Variants in EDIL3 observed in about 807,000 individuals in gnomAD.
EDIL3 encodes the protein EGF-like repeat and discoidin I-like domain-containing protein 3.
A neutral mutation model predicts 67.4 loss-of-function variants in EDIL3; 37 were observed. The ratio of observed to expected loss-of-function variants is 0.55; its 90% CI spans 0.42 to 0.72. EDIL3 has a LOEUF of 0.72. Ranked by LOEUF, EDIL3 falls within the 30% of genes least tolerant of loss-of-function variation. The probability of loss-of-function intolerance (pLI) is 0.00; values close to 1 mark genes in which losing one functional copy is unlikely to be tolerated. For missense variants in EDIL3, 527 were observed against 586.3 expected, an observed-to-expected ratio of 0.90 and a Z score of 1.04; for synonymous variants, 195 against 196.3, an observed-to-expected ratio of 0.99 and a Z score of 0.05.
intron 1 of EDIL3, among the ~76,000 whole-genome samples, chr5:84,256,350 A>G (rs1745124010): frequency 6.6e-6 from 1 of 152,180 alleles, no homozygotes; most frequent in South Asian, 2.1e-4. Flanking sequence ...AGGAACAATT[A>G]CAATTATACT....
chr5:84,022,654 C>CAGAT (rs1745738888), intron 9 of EDIL3, among the ~76,000 whole-genome samples: 2 of 151,806 alleles, frequency 1.3e-5, no homozygotes, highest in Non-Finnish European at 2.9e-5. Context: ...GACAGACAGA[C>CAGAT]AGACAAATTG....
intron 1 of EDIL3, among the ~76,000 whole-genome samples, chr5:84,372,244 A>C (rs1039743465): frequency 5.9e-5 from 9 of 152,148 alleles, no homozygotes; most frequent in African/African-American, 2.2e-4. Flanking sequence ...TAAAGGAAAA[A>C]ATATGTACGA....
intron 9 of EDIL3, chr5:84,048,374 A>G (rs1047601533): frequency 1.1e-5 from 3 of 279,374 alleles, no homozygotes; most frequent in Non-Finnish European, 2.2e-5. Context: ...CATGGACTAA[A>G]TTAAATAAGG....
chr5:83,950,623 G>A (rs1165301724), intron 10 of EDIL3, among the ~76,000 whole-genome samples: 1 of 151,734 alleles, frequency 6.6e-6, no homozygotes, highest in Non-Finnish European at 1.5e-5. Flanking sequence ...ACTTTCTACT[G>A]TTAGGTTCTA....
intron 1 of EDIL3, among the ~76,000 whole-genome samples, chr5:84,359,598 T>A (rs947192920): frequency 1.3e-5 from 2 of 152,200 alleles, no homozygotes; most frequent in Non-Finnish European, 2.9e-5. Context: ...AAAGATTGAC[T>A]TTTAGACTAG....
chr5:84,273,253 A>G (rs1188375114), intron 1 of EDIL3, among the ~76,000 whole-genome samples: 2 of 152,036 alleles, frequency 1.3e-5, no homozygotes, highest in Admixed American at 6.6e-5. Flanking sequence ...CCCAATTCCT[A>G]TCTTTAGGGC....
intron 9 of EDIL3, among the ~76,000 whole-genome samples, chr5:84,053,714 T>C (rs1746385806): frequency 6.6e-6 from 1 of 151,990 alleles, no homozygotes; most frequent in Non-Finnish European, 1.5e-5. Context: ...CTAGAAGAAA[T>C]GGATAAATTC....
chr5:84,231,891 A>T (rs1353701933), intron 2 of EDIL3, among the ~76,000 whole-genome samples: 1 of 152,228 alleles, frequency 6.6e-6, no homozygotes, highest in Admixed American at 6.5e-5. Context: ...AAAGAAAAAA[A>T]ATCCTTACAC....
intron 3 of EDIL3, among the ~76,000 whole-genome samples, chr5:84,210,373 C>T (rs1054710107): frequency 1.1e-4 from 16 of 152,000 alleles, no homozygotes; most frequent in African/African-American, 3.9e-4. Context: ...TAATCTCATG[C>T]TCTATATATT....
chr5:84,376,598 T>A (rs539746816), intron 1 of EDIL3, among the ~76,000 whole-genome samples: 1 of 152,318 alleles, frequency 6.6e-6, no homozygotes, highest in Admixed American at 6.5e-5. Context: ...CAACACACAT[T>A]ATAAGGAATA....
chr5:84,367,993 A>G (rs976432272), intron 1 of EDIL3, among the ~76,000 whole-genome samples: 9 of 152,178 alleles, frequency 5.9e-5, no homozygotes, highest in African/African-American at 2.2e-4. Flanking sequence ...TTCCCAGAAG[A>G]TTCTGAAGTA....
intron 6 of EDIL3, among the ~76,000 whole-genome samples, chr5:84,074,449 T>C (rs1354107153): frequency 1.3e-5 from 2 of 152,130 alleles, no homozygotes; most frequent in African/African-American, 4.8e-5. Context: ...AACCTACTCA[T>C]CTGACAAAGG....
intron 1 of EDIL3, among the ~76,000 whole-genome samples, chr5:84,267,694 T>C (rs776405023): frequency 6.6e-6 from 1 of 152,180 alleles, no homozygotes; most frequent in African/African-American, 2.4e-5. Context: ...ATTTCATACA[T>C]ACATTTGAAT....
chr5:84,118,957 T>C (rs1056433391), intron 5 of EDIL3, among the ~76,000 whole-genome samples: 18 of 152,144 alleles, frequency 1.2e-4, no homozygotes, highest in Non-Finnish European at 1.6e-4. Flanking sequence ...ATAATGTGTA[T>C]TCCAGGGAGA....
At chr5:84,152,852 G>C (rs1748421327) in intron 4 of EDIL3, among the ~76,000 whole-genome samples, 1 of 152,110 alleles carries the variant, frequency 6.6e-6, no homozygotes, top group Non-Finnish European at 1.5e-5. Context: ...AAGACATGCA[G>C]AGGTAGAAAA....
chr5:84,312,552 G>A (rs1005524527), intron 1 of EDIL3, among the ~76,000 whole-genome samples: 1 of 140,844 alleles, frequency 7.1e-6, no homozygotes, highest in Non-Finnish European at 1.5e-5. Flanking sequence ...GGCTGGCCTG[G>A]CGGGGGGCTG....
chr5:84,203,490 G>C (rs576333147), intron 3 of EDIL3, among the ~76,000 whole-genome samples: 10 of 152,280 alleles, frequency 6.6e-5, no homozygotes, highest in Admixed American at 2.6e-4. Context: ...TCTCAGGGCT[G>C]ATGTTGGTGT....
intron 1 of EDIL3, among the ~76,000 whole-genome samples, chr5:84,325,484 A>G (rs1425068052): frequency 7.0e-6 from 1 of 142,838 alleles, no homozygotes; most frequent in African/African-American, 2.5e-5. Flanking sequence ...ACAGAAAATA[A>G]AATACATGTT....
At chr5:84,129,733 GTTACAT>G (rs1463916917) in intron 5 of EDIL3, among the ~76,000 whole-genome samples, 1 of 151,984 alleles carries the variant, frequency 6.6e-6, no homozygotes, top group African/African-American at 2.4e-5. Context: ...TTGATTTCTT[GTTACAT>G]TTACAAGTTA....
Sources: allele counts gnomAD v4.1 joint callset (sites outside exome capture counted in the v4.1 genomes callset), GRCh38; gene constraint gnomAD v4.1.1; transcripts MANE v1.5; gene names NCBI Gene and HGNC (gene_info 2026-07-23, HGNC 2026-07-21).